Variants in MRNIP observed in about 807,000 individuals in gnomAD.
MRNIP encodes MRN complex interacting protein.
In MRNIP, 30 loss-of-function variants were observed where a neutral mutation model predicts 29.8. The observed-to-expected ratio is 1.01, with a 90% CI of 0.75 to 1.36. The LOEUF is 1.36. MRNIP is among the 40% of genes most tolerant of loss of function. The pLI is 0.00. For missense variants in MRNIP, 459 were observed against 423.5 expected (o/e 1.08, Z -0.74); for synonymous variants, 201 against 164.1 (o/e 1.23, Z -1.72).
At chr5:179,845,737 C>T (rs2113552765) in intron 3 of MRNIP, 1 of 152,238 alleles carries the variant, frequency 6.6e-6, no homozygotes, top group African/African-American at 2.4e-5. Context: ...CTCAAATAAT[C>T]CGCCTGCCTT....
At position 179,858,709 on chromosome 5, in the gene MRNIP, AGGGGGCTG is replaced by A. The variant is rs755252599; in HGVS notation, c.66+14_66+21del. The stretch of plus-strand genomic sequence containing the variant: ...GCTGTCCCCGCGCCGGAGGAGGAGG[AGGGGGCTG>A]GCACCCGCCAGACCTGGTGCGCCTG... On this transcript the variant is annotated intron_variant, in intron 1 of 6. Coordinates refer to ENST00000292586, the MANE Select transcript of MRNIP (RefSeq NM_016175.4). 4 of 1,418,664 alleles carry A rather than the reference AGGGGGCTG, an allele frequency of 2.8e-6. No individual in the cohort carries two copies. The South Asian group carries it at 5.2e-5, about 18-fold the overall frequency. The allele number at this position is 1,418,664 out of a possible 1,614,324, so 87.9% of individuals were successfully genotyped here.
At chr5:179,847,740 T>C (rs1228901022) in intron 3 of MRNIP, 8 of 444,744 alleles carry the variant, frequency 1.8e-5, no homozygotes, top group African/African-American at 8.2e-5. Context: ...GGTCTGGACC[T>C]CATCACAGGT....
chr5:179,839,538 C>G (rs1397878933), intron 6 of MRNIP: 3 of 152,378 alleles, frequency 2.0e-5, no homozygotes, highest in Admixed American at 2.0e-4. Context: ...GGCAGACTCT[C>G]TGGTCATTCT....
In MRNIP at chr5:179,858,778, A is replaced by G; in HGVS notation, c.19T>C (p.Ser7Pro). Residue 7 changes from serine to proline, a missense_variant, in exon 1 of 7, where the codon TCT (serine) becomes CCT (proline). Physicochemically the swap from Ser to Pro is moderately conservative, Grantham distance 74. Transcript: ENST00000292586. Reference sequence around the variant, plus strand: ...CAGCTGCAGCAGCGTAGCACCCGAGAACGCTGAAGCGACGCCATCCCTGCT... The same window carrying G: ...CAGCTGCAGCAGCGTAGCACCCGAGGACGCTGAAGCGACGCCATCCCTGCT... MASLQR[S>P]RVLRCCSCRL... 1.3e-6 allele frequency: 2 copies of G among 1,540,688 alleles called. No individual in the cohort carries two copies. Among genetic ancestry groups the G allele is most frequent in the South Asian group, 1.2e-5 (1 of 82,968 alleles).
chr5:179,841,716 C>T (rs1758885943), intron 5 of MRNIP, 191 bp downstream of exon 5: 1 of 638,590 alleles, frequency 1.6e-6, no homozygotes, highest in South Asian at 1.9e-5. Flanking sequence ...TTCGCCTCTG[C>T]ACCAGCAGTG....
intron 1 of MRNIP, among the ~76,000 whole-genome samples, chr5:179,854,726 C>T (rs970176636): frequency 1.3e-5 from 2 of 152,150 alleles, no homozygotes; most frequent in Non-Finnish European, 2.9e-5. Context: ...AACAAAAACA[C>T]TCCGTAAGAC....
intron 2 of MRNIP, chr5:179,851,297 G>A: frequency 2.2e-6 from 1 of 456,092 alleles, no homozygotes; most frequent in Non-Finnish European, 4.4e-6. Flanking sequence ...TGGACCAGAG[G>A]TGGGCATCCG....
At position 179,838,067 on chromosome 5, in the gene MRNIP, C is replaced by G. The variant is rs1034528953; in HGVS notation, c.538-182G>C. On this transcript the variant is annotated intron_variant, in intron 6 of 6. Coordinates refer to ENST00000292586, the MANE Select transcript of MRNIP (RefSeq NM_016175.4). ...AGACAAAGCAAATAAATGCCTTCCA[C>G]CTCACCGCAAACCTTCTGCTAAATT... is the stretch of plus-strand genomic sequence containing the variant. 1.3e-5 allele frequency: 8 copies of G among 612,720 alleles called. No individual in the cohort carries two copies. The Admixed American group carries it at 1.5e-4, about 11-fold the overall frequency. The allele number at this position is 612,720 out of a possible 1,614,324, so 38.0% of individuals were successfully genotyped here. A position where few individuals can be genotyped will look rare whatever the true frequency, so the allele number is the denominator to read the frequency against.
At chr5:179,843,097 A>G (rs1306389050) in intron 4 of MRNIP, among the ~76,000 whole-genome samples, 1 of 149,294 alleles carries the variant, frequency 6.7e-6, no homozygotes. Flanking sequence ...CAAGCAGGCA[A>G]GCAGAAGTGT....
chr5:179,837,973 GCCT>G, intron 6 of MRNIP, 88 bp from the exon 7 acceptor site: 1 of 1,325,970 alleles, frequency 7.5e-7, no homozygotes, highest in Non-Finnish European at 1.0e-6. Flanking sequence ...CCTTGGCTGG[GCCT>G]CTGGTTCTGA....
intron 5 of MRNIP, 81 bp from the exon 6 acceptor site, chr5:179,841,040 A>AG: frequency 9.7e-7 from 1 of 1,032,126 alleles, no homozygotes; most frequent in Non-Finnish European, 1.4e-6. Flanking sequence ...CATGGCCCAC[A>AG]GGCTCGGGTG....
At chr5:179,845,967 G>A (rs892397595) in intron 3 of MRNIP, 3 of 152,144 alleles carry the variant, frequency 2.0e-5, no homozygotes, top group Admixed American at 6.6e-5. Context: ...CTGTGCGCTT[G>A]GTCGAAGAGG....
chr5:179,850,813 G>A (rs1323438035), intron 2 of MRNIP, among the ~76,000 whole-genome samples: 1 of 152,152 alleles, frequency 6.6e-6, no homozygotes, highest in Non-Finnish European at 1.5e-5. Context: ...GGGTGGCCAC[G>A]AAACCAGCCT....
rs554909345 is a variant in MRNIP, at chr5:179,850,435, A to G, written c.127-2369T>C. Among the ~76,000 whole-genome samples, 4 of 152,338 alleles carry G rather than the reference A, an allele frequency of 2.6e-5. No homozygotes were observed. In the South Asian group the frequency reaches 6.2e-4, roughly 24 times the overall value. Reference sequence around the variant, plus strand: ...TCAGACACACACACTATACGTGTCCAGTGTTCCTCAACACCCCACTGGCAG... The same window carrying G: ...TCAGACACACACACTATACGTGTCCGGTGTTCCTCAACACCCCACTGGCAG... On this transcript the variant is annotated intron_variant, in intron 2 of 6. Transcript: ENST00000292586.
chr5:179,848,068 T>C lies in MRNIP; in HGVS notation c.127-2A>G. The C allele has an allele frequency of 6.2e-7, 1 of 1,611,128 alleles. No individual in the cohort carries two copies. The highest frequency in any genetic ancestry group is 8.5e-7 in the Non-Finnish European group (1 of 1,177,282). On this transcript the variant is annotated splice_acceptor_variant, in intron 2 of 6. Coordinates refer to ENST00000292586, the MANE Select transcript of MRNIP (RefSeq NM_016175.4). LOFTEE classifies it high-confidence loss of function. The stretch of plus-strand genomic sequence containing the variant: ...AGCACCAGAGCCTTCACCATAAGCC[T>C]GAGAAACCAAAAAATATATTACATT...
At chr5:179,853,042 G>A (rs1208102231) in intron 2 of MRNIP, among the ~76,000 whole-genome samples, 3 of 152,212 alleles carry the variant, frequency 2.0e-5, no homozygotes, top group African/African-American at 7.2e-5. Context: ...AAATTATGCA[G>A]ATGCATGTGT....
chr5:179,841,222 C>T (rs1193658015), intron 5 of MRNIP: 4 of 482,320 alleles, frequency 8.3e-6, no homozygotes, highest in East Asian at 3.8e-5. Flanking sequence ...GCCGCCTTGA[C>T]CTCCTGGGCT....
intron 1 of MRNIP, among the ~76,000 whole-genome samples, chr5:179,856,008 A>C (rs1759563278): frequency 6.8e-6 from 1 of 147,456 alleles, no homozygotes; most frequent in Non-Finnish European, 1.5e-5. Context: ...TCCTGGATTC[A>C]AGTGATTCTC....
At chr5:179,843,893 G>C (rs1309818139) in intron 4 of MRNIP, among the ~76,000 whole-genome samples, 1 of 152,156 alleles carries the variant, frequency 6.6e-6, no homozygotes, top group Non-Finnish European at 1.5e-5. Flanking sequence ...GGTGATATTT[G>C]AGCTACATTC....
Sources: gnomAD v4.1 joint callset for allele counts (sites outside exome capture counted in the v4.1 genomes callset) on GRCh38, gnomAD v4.1.1 for gene constraint, MANE v1.5 for transcripts, NCBI Gene and HGNC (gene_info 2026-07-23, HGNC 2026-07-21) for gene names.